The following POC5 variants were observed in gnomAD, a reference collection of about 807,000 sequenced individuals.
POC5 encodes the protein centrosomal protein POC5.
POC5 carries 48 observed loss-of-function variants against 62.9 expected under a neutral mutation model. That is an observed-to-expected ratio of 0.76 (90% CI 0.61 to 0.97). POC5 has a LOEUF of 0.97. Among genes scored for constraint, POC5 ranks in the 50% least tolerant of loss-of-function variants. The pLI is 0.00. For missense variants in POC5, 696 were observed against 679.5 expected (o/e 1.02, Z -0.27); for synonymous variants, 236 against 228.2 (o/e 1.03, Z -0.31).
At chr5:75,692,368 A>G (rs1017794983) in intron 7 of POC5, 28 bp downstream of exon 7, 1 of 1,489,022 alleles carries the variant, frequency 6.7e-7, no homozygotes, top group Non-Finnish European at 9.1e-7. Flanking sequence ...TCTAACATCC[A>G]TCAGCTGTCT....
chr5:75,706,536 G>C (rs977244986), intron 3 of POC5, among the ~76,000 whole-genome samples: 6 of 151,606 alleles, frequency 4.0e-5, no homozygotes, highest in Admixed American at 1.3e-4. Context: ...TGATTACCTT[G>C]AACTGTTGAC....
chr5:75,716,684 T>C (rs1462397126), intron 1 of POC5, among the ~76,000 whole-genome samples: 2 of 152,190 alleles, frequency 1.3e-5, no homozygotes, highest in African/African-American at 4.8e-5. Flanking sequence ...TAATCCAAGG[T>C]ATCAGAAAAC....
rs1775802832 is a variant in POC5, at chr5:75,679,749, G to A, written c.1408-1799C>T. ...GGGAATATCTATAACATACAGGGAG[G>A]ATAAGGAAAGTGAAGAGAGAGAGAA... is the stretch of plus-strand genomic sequence containing the variant. On this transcript the variant is annotated intron_variant, in intron 10 of 11. Coordinates refer to ENST00000428202, the MANE Select transcript of POC5 (RefSeq NM_001099271.2). Among the ~76,000 whole-genome samples, 4 of 152,224 alleles carry A rather than the reference G, an allele frequency of 2.6e-5. No homozygotes were observed. In the South Asian group the frequency reaches 6.2e-4, roughly 24 times the overall value.
At chr5:75,691,383 A>T (rs962078952) in intron 7 of POC5, among the ~76,000 whole-genome samples, 1 of 152,174 alleles carries the variant, frequency 6.6e-6, no homozygotes, top group Non-Finnish European at 1.5e-5. Context: ...CAAAAATCTG[A>T]AACTTTTTGA....
chr5:75,708,355 C>G (rs1777209255), intron 2 of POC5, among the ~76,000 whole-genome samples: 1 of 152,058 alleles, frequency 6.6e-6, no homozygotes, highest in African/African-American at 2.4e-5. Context: ...TCTGGGGAAA[C>G]AACAACAAAG....
At chr5:75,692,551 G>A in intron 6 of POC5, 51 bp from the exon 7 acceptor site, 1 of 1,300,344 alleles carries the variant, frequency 7.7e-7, no homozygotes, top group Non-Finnish European at 1.1e-6. Flanking sequence ...AACAGCAATT[G>A]GTAAAGTGAT....
At chr5:75,684,363 A>ATTTTTTTTTTTTTTTTTTTTTTT (rs749361349) in intron 10 of POC5, among the ~76,000 whole-genome samples, 2 of 132,710 alleles carry the variant, frequency 1.5e-5, no homozygotes, top group African/African-American at 5.6e-5. Flanking sequence ...TTCCTACATA[A>ATTTTTTTTTTTTTTTTTTTTTTT]TTTTTTTTTT....
intron 7 of POC5, among the ~76,000 whole-genome samples, chr5:75,692,028 T>C (rs1324222064): frequency 1.3e-5 from 2 of 152,160 alleles, no homozygotes; most frequent in Non-Finnish European, 2.9e-5. Flanking sequence ...GAATAAGTTG[T>C]ATTCAGGCAT....
intron 2 of POC5, among the ~76,000 whole-genome samples, chr5:75,710,477 A>G (rs1219417545): frequency 6.6e-6 from 1 of 152,144 alleles, no homozygotes; most frequent in Non-Finnish European, 1.5e-5. Flanking sequence ...GAGAGCATTA[A>G]TGTACTCATC....
chr5:75,713,978 T>A (rs1777449084), intron 1 of POC5, among the ~76,000 whole-genome samples: 1 of 152,250 alleles, frequency 6.6e-6, no homozygotes, highest in African/African-American at 2.4e-5. Flanking sequence ...TCAAAACTTG[T>A]CATATTAAAA....
At chr5:75,705,627 C>A in intron 4 of POC5, 77 bp downstream of exon 4, 14 of 810,618 alleles carry the variant, frequency 1.7e-5, no homozygotes, top group South Asian at 1.1e-4. Flanking sequence ...GAAATTATTC[C>A]TCTTACTACA....
At chr5:75,716,187 T>C (rs998004649) in intron 1 of POC5, among the ~76,000 whole-genome samples, 12 of 152,126 alleles carry the variant, frequency 7.9e-5, no homozygotes, top group Non-Finnish European at 1.6e-4. Flanking sequence ...TCACTGTGCA[T>C]ACACATGTTA....
chr5:75,705,878 A>G (rs1777097212), intron 3 of POC5, 91 bp from the exon 4 acceptor site: 3 of 745,166 alleles, frequency 4.0e-6, no homozygotes, highest in East Asian at 3.0e-5. Context: ...GCAGTACATA[A>G]TATTTTAGAA....
At position 75,700,876 on chromosome 5, in the gene POC5, A is replaced by G. The variant is rs1442189224; in HGVS notation, c.513+1729T>C. Among the ~76,000 whole-genome samples the G allele has an allele frequency of 2.2e-5, 3 of 138,824 alleles. No individual in the cohort carries two copies. In the South Asian group the frequency reaches 7.5e-4, roughly 35 times the overall value. 91.1% of individuals were successfully genotyped at this position (138,824 alleles called of 152,430 possible). A position where few individuals can be genotyped will look rare whatever the true frequency, so the allele number is the denominator to read the frequency against. On this transcript the variant is annotated intron_variant, in intron 5 of 11. Coordinates refer to ENST00000428202, the MANE Select transcript of POC5 (RefSeq NM_001099271.2). Reference sequence around the variant, plus strand: ...ATGAACTCAAACAAATTTACAAGAAAAAAGCAAACAACCCCATCAAAAAGT... The same window carrying G: ...ATGAACTCAAACAAATTTACAAGAAGAAAGCAAACAACCCCATCAAAAAGT...
chr5:75,704,657 C>T (rs1279482308), intron 4 of POC5, among the ~76,000 whole-genome samples: 1 of 152,116 alleles, frequency 6.6e-6, no homozygotes, highest in East Asian at 1.9e-4. Context: ...AAAAATATCT[C>T]AACACTTACC....
At chr5:75,716,934 A>G (rs1004308853) in intron 1 of POC5, among the ~76,000 whole-genome samples, 1 of 152,266 alleles carries the variant, frequency 6.6e-6, no homozygotes, top group African/African-American at 2.4e-5. Context: ...GACTAGAAGC[A>G]GAGGAGAAAA....
At chr5:75,701,668 T>C (rs1361938897) in intron 5 of POC5, among the ~76,000 whole-genome samples, 1 of 151,208 alleles carries the variant, frequency 6.6e-6, no homozygotes, top group Non-Finnish European at 1.5e-5. Flanking sequence ...CATGTATACA[T>C]ATGTAACTAA....
chr5:75,690,449 A>C lies in POC5; in HGVS notation c.909T>G (p.Ala303=), dbSNP rs1275470474. 2 of 1,612,264 alleles carry C rather than the reference A, an allele frequency of 1.2e-6. No homozygotes were observed. Among genetic ancestry groups the C allele is most frequent in the South Asian group, 2.2e-5 (2 of 90,642 alleles). ...AAACTTCTTCAGCTCTTGCTTGACAAGCTCTTTCTACCACATCTTTCCACT... is the reference window on the plus strand; with the variant it reads ...AAACTTCTTCAGCTCTTGCTTGACACGCTCTTTCTACCACATCTTTCCACT... ...QKQWKDVVER[A]CQARAEEVCI... The change falls in exon 8 of 12, where the codon GCT becomes GCG. Residue 303 remains alanine (A), a synonymous_variant. Coordinates refer to ENST00000428202, the MANE Select transcript of POC5 (RefSeq NM_001099271.2).
At position 75,689,163 on chromosome 5, in the gene POC5, T is replaced by A; in HGVS notation, c.978A>T (p.Leu326Phe). The A allele has an allele frequency of 6.5e-7, 1 of 1,532,236 alleles. No homozygotes were observed. The highest frequency in any genetic ancestry group is 8.8e-7 in the Non-Finnish European group (1 of 1,139,244). The allele number at this position is 1,532,236 out of a possible 1,614,324, so 94.9% of individuals were successfully genotyped here. A position where few individuals can be genotyped will look rare whatever the true frequency, so the allele number is the denominator to read the frequency against. Reference sequence around the variant, plus strand: ...CTTTTGCATTTTCCAAAGCTCCAGATAACTAAAATAAGAATGTTTAAAAAG... The same window carrying A: ...CTTTTGCATTTTCCAAAGCTCCAGAAAACTAAAATAAGAATGTTTAAAAAG... ...SNDYEAKVAM[L>F]SGALENAKAE... Residue 326 changes from leucine to phenylalanine, a missense_variant and splice_region_variant, in exon 9 of 12, where the codon TTA (leucine) becomes TTT (phenylalanine). Leu to Phe is a conservative substitution (Grantham distance 22). Coordinates refer to ENST00000428202, the MANE Select transcript of POC5 (RefSeq NM_001099271.2).
Sources: gnomAD v4.1 joint callset for allele counts (sites outside exome capture counted in the v4.1 genomes callset) on GRCh38, gnomAD v4.1.1 for gene constraint, MANE v1.5 for transcripts, NCBI Gene and HGNC (gene_info 2026-07-23, HGNC 2026-07-21) for gene names.